The following MCM7 variants were observed in gnomAD, a reference collection of about 807,000 sequenced individuals.
The protein encoded by MCM7 is minichromosome maintenance complex component 7, also known as DNA replication licensing factor MCM7.
A neutral mutation model predicts 83.5 loss-of-function variants in MCM7; 95 were observed. That is an observed-to-expected ratio of 1.14 (90% CI 0.96 to 1.35). The LOEUF is 1.35. MCM7 is among the 40% of genes most tolerant of loss of function. MCM7 has a pLI of 0.00. For missense variants in MCM7, 1,087 were observed against 957.4 expected, an observed-to-expected ratio of 1.14 and a Z score of -1.79; for synonymous variants, 461 against 352.7, an observed-to-expected ratio of 1.31 and a Z score of -3.44.
intron 10 of MCM7, among the ~76,000 whole-genome samples, chr7:100,097,079 C>T (rs1000501282): frequency 2.0e-5 from 3 of 152,060 alleles, no homozygotes; most frequent in East Asian, 1.9e-4. Flanking sequence ...CCGGCCTGGG[C>T]GAAAGAGCAA....
chr7:100,093,710 A>G (rs1795456055), intron 13 of MCM7: 3 of 667,342 alleles, frequency 4.5e-6, no homozygotes, highest in Admixed American at 3.6e-5. Flanking sequence ...GCTCCCCAGC[A>G]TGACAGATGG....
At position 100,100,025 on chromosome 7, in the gene MCM7, C is replaced by G; in HGVS notation, c.100G>C (p.Gly34Arg). 1.2e-6 allele frequency: 2 copies of G among 1,614,082 alleles called. No individual in the cohort carries two copies. Among genetic ancestry groups the G allele is most frequent in the Non-Finnish European group, 1.7e-6 (2 of 1,179,940 alleles). Residue 34 changes from glycine (G) to arginine (R), a missense_variant, in exon 2 of 15, where the codon GGG (glycine) becomes CGG (arginine). Transcript: ENST00000303887. ...DELGKKQFKY[G>R]NQLVRLAHRE... ...AATCTTAGACTTACCAACTGGTTCC[C>G]ATACTTGAACTGCTTCTTCCCGAGT...
In MCM7 at chr7:100,099,523, G is replaced by C. The variant is rs577423664; in HGVS notation, c.276+66C>G. The C allele has an allele frequency of 5.6e-6, 9 of 1,594,760 alleles. No homozygotes were observed. The African/African-American group carries it at 1.1e-4, about 19-fold the overall frequency. ...GCCTGCTCAGAAAACATCAGTATCT[G>C]AGCAGCCTCTCTACAGAAGCTTAAA... is the stretch of plus-strand genomic sequence containing the variant. On this transcript the variant is annotated intron_variant, in intron 3 of 14. Transcript: ENST00000303887.
Position 100,097,699 on chromosome 7 carries a change from T to A in MCM7, c.1032A>T (p.Ile344=), listed in dbSNP as rs1795714577. The change falls in exon 9 of 15, where the codon ATA becomes ATT. Residue 344 remains isoleucine (I), a synonymous_variant. Coordinates refer to ENST00000303887, the MANE Select transcript of MCM7 (RefSeq NM_005916.5). ...CCTTCTTCACATCTTCATGCCCGTA[T>A]ATTTCTGGGGCGATTGAAGCTGCCA... The part of the protein sequence containing the change: ...EKLAASIAPE[I]YGHEDVKKAL... 1.9e-6 allele frequency: 3 copies of A among 1,614,118 alleles called. No homozygotes were observed. Among genetic ancestry groups the A allele is most frequent in the Non-Finnish European group, 2.5e-6 (3 of 1,180,048 alleles).
At position 100,099,999 on chromosome 7, in the gene MCM7, C is replaced by T. The variant is rs772882060; in HGVS notation, c.111+15G>A. 1.9e-6 allele frequency: 3 copies of T among 1,610,880 alleles called. No individual in the cohort carries two copies. The African/African-American group carries it at 4.0e-5, about 22-fold the overall frequency. ...CACCCCGCTCCCCATTCCCTTTACC[C>T]AATCTTAGACTTACCAACTGGTTCC... On this transcript the variant is annotated intron_variant, in intron 2 of 14. Transcript: ENST00000303887.
At chr7:100,099,880 CCA>C (rs1484435760) in intron 2 of MCM7, 127 bp from the exon 3 acceptor site, 5 of 1,430,206 alleles carry the variant, frequency 3.5e-6, no homozygotes, top group African/African-American at 2.8e-5. Context: ...GAACGCAGCG[CCA>C]CACAGAGCGA....
intron 13 of MCM7, 44 bp from the exon 14 acceptor site, chr7:100,093,445 A>C (rs1262910729): frequency 1.4e-5 from 22 of 1,566,938 alleles, no homozygotes; most frequent in Non-Finnish European, 1.9e-5. Flanking sequence ...GGAGGAGGGC[A>C]GTGGAACGAG....
At chr7:100,101,043 C>T (rs182889891) in intron 1 of MCM7, among the ~76,000 whole-genome samples, 3 of 152,322 alleles carry the variant, frequency 2.0e-5, no homozygotes, top group Admixed American at 6.5e-5. Flanking sequence ...ACCCTAACAC[C>T]TTTACCAGGT....
chr7:100,101,384 G>A lies in MCM7; in HGVS notation c.-90C>T, dbSNP rs899199562. ...AATCTCCGCGCGGTGGACTGTGGCC[G>A]GCCAACCGAAATTGGCGCGAAACGT... On this transcript the variant is annotated 5_prime_UTR_variant, in exon 1 of 15. Coordinates refer to ENST00000303887, the MANE Select transcript of MCM7 (RefSeq NM_005916.5). The A allele has an allele frequency of 6.4e-7, 1 of 1,569,826 alleles. No homozygotes were observed. Among genetic ancestry groups the A allele is most frequent in the South Asian group, 1.1e-5 (1 of 90,068 alleles).
intron 1 of MCM7, 146 bp downstream of exon 1, chr7:100,101,118 A>G: frequency 2.0e-6 from 2 of 1,009,338 alleles, no homozygotes; most frequent in Non-Finnish European, 1.5e-6. Flanking sequence ...CGTGGGCCTT[A>G]GCCAGGCCGC....
Position 100,099,059 on chromosome 7 carries a change from G to T in MCM7, c.546C>A (p.Tyr182Ter), listed in dbSNP as rs768954906. ...TCTCTGCCCCACACTGGTCACAAGT[G>T]TAAGTGGCCACCACCATCTTGGGTT... ...EVKPKMVVAT[Y>*]TCDQCGAETY... Residue 182 changes from tyrosine to a stop codon, truncating the protein, a stop_gained, in exon 5 of 15, where the codon TAC becomes TAA. Transcript: ENST00000303887. LOFTEE classifies it high-confidence loss of function. 6.2e-7 allele frequency: 1 copy of T among 1,614,046 alleles called. No individual in the cohort carries two copies. Among genetic ancestry groups the T allele is most frequent in the African/African-American group, 1.3e-5 (1 of 74,912 alleles).
In MCM7 at chr7:100,096,243, A is replaced by T. The variant is rs1359338240; in HGVS notation, c.1202-76T>A. The T allele has an allele frequency of 3.5e-6, 5 of 1,423,360 alleles. No individual in the cohort carries two copies. In the African/African-American group the frequency reaches 5.7e-5, roughly 16 times the overall value. 88.2% of individuals were successfully genotyped at this position (1,423,360 alleles called of 1,614,324 possible). ...ACAAGCAAAAGACAACAAACGGGCCAGGGAGGCGAGGCCTGCGCTGGGATC... is the reference window on the plus strand; with the variant it reads ...ACAAGCAAAAGACAACAAACGGGCCTGGGAGGCGAGGCCTGCGCTGGGATC... On this transcript the variant is annotated intron_variant, in intron 10 of 14. Transcript: ENST00000303887.
At chr7:100,094,134 G>A in intron 13 of MCM7, 39 bp downstream of exon 13, 1 of 1,613,544 alleles carries the variant, frequency 6.2e-7, no homozygotes, top group African/African-American at 1.3e-5. Context: ...CCCCTTTAAG[G>A]GTCAAAACAG....
At position 100,099,550 on chromosome 7, in the gene MCM7, G is replaced by A. The variant is rs375789421; in HGVS notation, c.276+39C>T. ...GCAGCCTCTCTACAGAAGCTTAAAC[G>A]CCTCGCCCTTTGTTTGCCATTGTTC... is the stretch of plus-strand genomic sequence containing the variant. On this transcript the variant is annotated intron_variant, in intron 3 of 14. Transcript: ENST00000303887. The A allele has an allele frequency of 2.6e-4, 418 of 1,608,108 alleles. 3 individuals are homozygous for A. Among genetic ancestry groups the A allele is most frequent in the South Asian group, 2.5e-3 (226 of 90,654 alleles).
intron 13 of MCM7, 93 bp from the exon 14 acceptor site, chr7:100,093,494 GC>G: frequency 8.6e-7 from 1 of 1,165,472 alleles, no homozygotes; most frequent in South Asian, 1.2e-5. Flanking sequence ...AGGCTGGGCA[GC>G]CCATGGGTCG....
chr7:100,100,859 C>T, intron 1 of MCM7: 1 of 1,031,584 alleles, frequency 9.7e-7, no homozygotes, highest in Non-Finnish European at 1.2e-6. Context: ...CCTGCCCGCC[C>T]CCGGGGCCTA....
intron 13 of MCM7, 40 bp downstream of exon 13, chr7:100,094,133 G>A (rs1170754180): frequency 4.0e-5 from 64 of 1,613,350 alleles, no homozygotes; most frequent in Non-Finnish European, 5.2e-5. Flanking sequence ...ACCCCTTTAA[G>A]GGTCAAAACA....
In MCM7 at chr7:100,097,401, C is replaced by T. The variant is rs1257908485; in HGVS notation, c.1118-17G>A. The stretch of plus-strand genomic sequence containing the variant: ...TGATGTTGCCTGGAGGAAGGGAAGG[C>T]AGCCCTGGAATGACTCTTCTCCCAG... On this transcript the variant is annotated splice_polypyrimidine_tract_variant and intron_variant, in intron 9 of 14. Transcript: ENST00000303887. The T allele has an allele frequency of 1.2e-6, 2 of 1,613,428 alleles. No individual in the cohort carries two copies. Among genetic ancestry groups the T allele is most frequent in the Non-Finnish European group, 1.7e-6 (2 of 1,179,470 alleles).
Position 100,095,440 on chromosome 7 carries a change from C to G in MCM7, c.1626G>C (p.Gln542His). 1 of 1,614,122 alleles carries G rather than the reference C, an allele frequency of 6.2e-7. No individual in the cohort carries two copies. Among genetic ancestry groups the G allele is most frequent in the Non-Finnish European group, 8.5e-7 (1 of 1,180,008 alleles). ...ACTGGGAGGGGGGCTGCCGGCTGTG[C>G]TGGTGCACATAGGTGATGTGCTGGG... is the stretch of plus-strand genomic sequence containing the variant. ...RLAQHITYVH[Q>H]HSRQPPSQFE... Residue 542 changes from glutamine (Q) to histidine (H), a missense_variant, in exon 12 of 15, where the codon CAG (glutamine) becomes CAC (histidine). Coordinates refer to ENST00000303887, the MANE Select transcript of MCM7 (RefSeq NM_005916.5).
Sources: allele counts gnomAD v4.1 joint callset (sites outside exome capture counted in the v4.1 genomes callset), GRCh38; gene constraint gnomAD v4.1.1; transcripts MANE v1.5; gene names NCBI Gene and HGNC (gene_info 2026-07-23, HGNC 2026-07-21).